Variants in PARP8 observed in about 807,000 individuals in gnomAD.
PARP8 encodes poly(ADP-ribose) polymerase family member 8.
PARP8 carries 51 observed loss-of-function variants against 124.1 expected under a neutral mutation model. That is an observed-to-expected ratio of 0.41 (90% CI 0.33 to 0.52). PARP8 has a LOEUF of 0.52. PARP8 is among the 20% of genes least tolerant of loss of function. The pLI is 0.21. For missense variants in PARP8, 860 were observed against 1,018.9 expected (o/e 0.84, Z 2.12); for synonymous variants, 391 against 361.5 (o/e 1.08, Z -0.93).
chr5:50,757,542 CA>C (rs1760099623), intron 3 of PARP8, among the ~76,000 whole-genome samples: 2 of 151,974 alleles, frequency 1.3e-5, no homozygotes, highest in South Asian at 4.2e-4. Context: ...TAAATTAAGC[CA>C]AAATAGGAAA....
intron 2 of PARP8, among the ~76,000 whole-genome samples, chr5:50,736,990 A>C (rs537678373): frequency 7.9e-5 from 12 of 152,280 alleles, no homozygotes; most frequent in Non-Finnish European, 1.2e-4. Context: ...ATTTGACTTT[A>C]AAAAGTGCTT....
intron 22 of PARP8, 92 bp from the exon 23 acceptor site, chr5:50,832,689 C>T (rs1257977242): frequency 2.4e-6 from 3 of 1,261,938 alleles, no homozygotes; most frequent in East Asian, 4.8e-5. Context: ...CAAACCTTTA[C>T]CTAGAATGGA....
intron 2 of PARP8, among the ~76,000 whole-genome samples, chr5:50,696,480 C>T (rs1753038065): frequency 2.0e-5 from 3 of 152,158 alleles, no homozygotes; most frequent in African/African-American, 7.2e-5. Context: ...AATGATAAGG[C>T]AGCCATAATT....
chr5:50,788,668 C>T (rs2149634323), intron 10 of PARP8, 79 bp downstream of exon 10: 7 of 1,163,922 alleles, frequency 6.0e-6, no homozygotes, highest in African/African-American at 2.7e-5. Flanking sequence ...AACAAACAAA[C>T]AAAAACCTAT....
intron 25 of PARP8, among the ~76,000 whole-genome samples, chr5:50,837,981 C>T (rs1747771533): frequency 6.6e-6 from 1 of 151,866 alleles, no homozygotes; most frequent in South Asian, 2.1e-4. Context: ...AACCTTGAAA[C>T]GCATGTGTAC....
rs1446547145 is a variant in PARP8 at position 50,843,874 on chromosome 5, A to G, written c.*1806A>G. On this transcript the variant is annotated 3_prime_UTR_variant, in exon 26 of 26. Transcript: ENST00000281631. Reference sequence around the variant, plus strand: ...TTAGTCTATACGTTAGACAGTCTATACATGACAAACATGAAGATCTAATAT... The same window carrying G: ...TTAGTCTATACGTTAGACAGTCTATGCATGACAAACATGAAGATCTAATAT... 5.9e-5 allele frequency: 9 copies of G among 151,792 alleles called. No individual in the cohort carries two copies. The highest frequency in any genetic ancestry group is 1.0e-4 in the Non-Finnish European group (7 of 67,830). The allele number at this position is 151,792 out of a possible 1,614,324, so 9.4% of individuals were successfully genotyped here.
intron 8 of PARP8, 24 bp downstream of exon 8, chr5:50,778,153 T>C: frequency 2.0e-6 from 3 of 1,469,508 alleles, no homozygotes; most frequent in Non-Finnish European, 2.8e-6. Flanking sequence ...TTATGTAATA[T>C]GAATGGTGCA....
intron 22 of PARP8, among the ~76,000 whole-genome samples, chr5:50,830,819 CGTGT>C (rs10611893): frequency 0.11 from 16,569 of 147,864 alleles, 939 homozygotes; most frequent in South Asian, 0.16. Flanking sequence ...TGTGCTCATG[CGTGT>C]GTGTGTGTGT....
chr5:50,820,725 G>C (rs1034463259), intron 15 of PARP8, among the ~76,000 whole-genome samples: 5 of 152,196 alleles, frequency 3.3e-5, no homozygotes, highest in Admixed American at 6.5e-5. Flanking sequence ...CCCCGTACAG[G>C]TCTCTGTTGA....
chr5:50,819,969 G>A (rs557171108), intron 15 of PARP8, among the ~76,000 whole-genome samples: 9 of 152,272 alleles, frequency 5.9e-5, no homozygotes, highest in East Asian at 1.9e-4. Flanking sequence ...ATGTATGCAT[G>A]TATTTACATA....
chr5:50,747,173 T>G (rs554070682), intron 2 of PARP8, among the ~76,000 whole-genome samples: 20 of 145,440 alleles, frequency 1.4e-4, no homozygotes, highest in East Asian at 5.9e-4. Flanking sequence ...GTTTTTTTTT[T>G]TTTTTTTGTC....
chr5:50,832,918 C>T, intron 23 of PARP8, 64 bp downstream of exon 23: 1 of 1,470,444 alleles, frequency 6.8e-7, no homozygotes, highest in Non-Finnish European at 9.4e-7. Context: ...GCCAGCAGAG[C>T]ATGGAAAAAT....
intron 25 of PARP8, among the ~76,000 whole-genome samples, chr5:50,838,310 C>T (rs1162620883): frequency 6.6e-6 from 1 of 152,022 alleles, no homozygotes; most frequent in Non-Finnish European, 1.5e-5. Flanking sequence ...ACAATTTTGT[C>T]CCAATGCCTT....
At chr5:50,729,287 G>T (rs1007661290) in intron 2 of PARP8, among the ~76,000 whole-genome samples, 2 of 151,900 alleles carry the variant, frequency 1.3e-5, no homozygotes, top group African/African-American at 4.8e-5. Flanking sequence ...AATTTGCTTT[G>T]CTAAGGAAAG....
intron 2 of PARP8, among the ~76,000 whole-genome samples, chr5:50,716,827 A>G (rs574991166): frequency 2.6e-5 from 4 of 152,220 alleles, no homozygotes; most frequent in African/African-American, 9.6e-5. Flanking sequence ...GAGTGCTAAA[A>G]TATTTAGTTT....
chr5:50,739,434 T>C (rs1193737734), intron 2 of PARP8, among the ~76,000 whole-genome samples: 1 of 151,990 alleles, frequency 6.6e-6, no homozygotes, highest in African/African-American at 2.4e-5. Context: ...ATTTTTTTGA[T>C]CATCTCCTCT....
intron 2 of PARP8, among the ~76,000 whole-genome samples, chr5:50,673,824 A>C (rs560412584): frequency 4.6e-5 from 7 of 152,188 alleles, no homozygotes; most frequent in Non-Finnish European, 8.8e-5. Flanking sequence ...AATCCATGTA[A>C]ATTTCCCATC....
At chr5:50,755,944 T>G (rs1240668665) in intron 3 of PARP8, among the ~76,000 whole-genome samples, 2 of 152,180 alleles carry the variant, frequency 1.3e-5, no homozygotes, top group Non-Finnish European at 1.5e-5. Flanking sequence ...TTTGAAGCAA[T>G]TATGAATGGG....
At chr5:50,839,948 G>A (rs755477655) in intron 25 of PARP8, among the ~76,000 whole-genome samples, 8 of 151,902 alleles carry the variant, frequency 5.3e-5, no homozygotes, top group South Asian at 2.1e-4. Context: ...GAAGGAACTC[G>A]TATTGCCAAT....
Sources: allele counts gnomAD v4.1 joint callset (sites outside exome capture counted in the v4.1 genomes callset), GRCh38; gene constraint gnomAD v4.1.1; transcripts MANE v1.5; gene names NCBI Gene and HGNC (gene_info 2026-07-23, HGNC 2026-07-21).